The following VRK2 variants were observed in gnomAD, a reference collection of about 807,000 sequenced individuals.
The protein encoded by VRK2 is VRK serine/threonine kinase 2, also known as serine/threonine-protein kinase VRK2.
Under a neutral mutation model 57.6 loss-of-function variants are expected in VRK2, and 60 were observed. That is an observed-to-expected ratio of 1.04 (90% CI 0.85 to 1.29). VRK2 has a LOEUF of 1.29. VRK2 is among the 50% of genes most tolerant of loss of function. The pLI, the probability that VRK2 is intolerant of heterozygous loss-of-function variation, is 0.00. For synonymous variants in VRK2, 231 were observed against 199.2 expected, an observed-to-expected ratio of 1.16 and a Z score of -1.35; for missense variants, 705 against 588.1, an observed-to-expected ratio of 1.20 and a Z score of -2.06.
rs372449948 is a variant in VRK2, at chr2:58,029,175, G to T, written c.-333+3405G>T. Among the ~76,000 whole-genome samples the T allele has an allele frequency of 3.2e-4, 49 of 151,890 alleles. No individual in the cohort carries two copies. The South Asian group carries it at 9.5e-3, about 30-fold the overall frequency. On this transcript the variant is annotated intron_variant, in intron 2 of 15. Coordinates refer to the VRK2 transcript ENST00000417641. ...TCTTGAAAAGCCTAAAGAGTTCTAT[G>T]AAAACTGATTAGCTATTTTCTATTT... is the stretch of plus-strand genomic sequence containing the variant.
chr2:57,918,198 C>T (rs1218465601), intron 1 of VRK2, among the ~76,000 whole-genome samples: 1 of 152,050 alleles, frequency 6.6e-6, no homozygotes, highest in African/African-American at 2.4e-5. Flanking sequence ...CATGTAATTC[C>T]GCCAAAATTC....
chr2:57,907,788 A>G, exon 1 of VRK2: 1 of 152,330 alleles, frequency 6.6e-6, no homozygotes, highest in Non-Finnish European at 1.5e-5. Context: ...TCATCCTTCA[A>G]GAGCCAAGTC....
chr2:58,125,024 C>G (rs181605437), intron 8 of VRK2, among the ~76,000 whole-genome samples: 29 of 152,154 alleles, frequency 1.9e-4, no homozygotes, highest in African/African-American at 7.0e-4. Context: ...ATATTTTATT[C>G]TGTTACACCT....
chr2:58,134,960 C>T (rs1194548038), intron 9 of VRK2, among the ~76,000 whole-genome samples, 181 bp from the exon 10 acceptor site: 1 of 151,946 alleles, frequency 6.6e-6, no homozygotes, highest in Non-Finnish European at 1.5e-5. Context: ...AGTTTGTGGG[C>T]ATTGAGGGTT....
intron 1 of VRK2, among the ~76,000 whole-genome samples, chr2:57,964,663 T>A (rs770334587): frequency 6.6e-6 from 1 of 152,030 alleles, no homozygotes; most frequent in Non-Finnish European, 1.5e-5. Flanking sequence ...GGTGGGCGGA[T>A]CACCTGAGGT....
chr2:57,929,673 C>T (rs1043682059), intron 1 of VRK2, among the ~76,000 whole-genome samples: 1 of 152,020 alleles, frequency 6.6e-6, no homozygotes, highest in African/African-American at 2.4e-5. Context: ...CTGGATCTCA[C>T]CTGAAGCTAG....
intron 7 of VRK2, among the ~76,000 whole-genome samples, chr2:58,090,031 A>T (rs1672147747): frequency 6.6e-6 from 1 of 152,214 alleles, no homozygotes. Context: ...GTGGGAGTAG[A>T]GATGGATTTA....
At chr2:57,918,747 C>G (rs889747013) in intron 1 of VRK2, among the ~76,000 whole-genome samples, 8 of 152,054 alleles carry the variant, frequency 5.3e-5, no homozygotes, top group African/African-American at 1.9e-4. Context: ...ACTTTTTACT[C>G]TTCTATTGAG....
At chr2:57,927,325 GGAGTCCAGTGGC>G (rs1670573128) in intron 1 of VRK2, among the ~76,000 whole-genome samples, 4 of 147,990 alleles carry the variant, frequency 2.7e-5, no homozygotes, top group Non-Finnish European at 5.9e-5. Context: ...CGCCCAGGCT[GGAGTCCAGTGGC>G]GTGATCTCGA....
intron 7 of VRK2, among the ~76,000 whole-genome samples, chr2:58,100,105 T>C (rs1352300793): frequency 6.6e-6 from 1 of 151,988 alleles, no homozygotes; most frequent in African/African-American, 2.4e-5. Context: ...ACTTTCAAAG[T>C]TCCTAGGATA....
chr2:57,921,281 A>AGC (rs557292363), intron 1 of VRK2, among the ~76,000 whole-genome samples: 19 of 103,252 alleles, frequency 1.8e-4, no homozygotes, highest in African/African-American at 1.0e-3. Flanking sequence ...GTAATTCTTA[A>AGC]GCGCGCACAC....
intron 10 of VRK2, among the ~76,000 whole-genome samples, chr2:58,137,058 TATATC>T (rs1215031764): frequency 1.6e-5 from 2 of 122,464 alleles, no homozygotes; most frequent in Non-Finnish European, 3.2e-5. Context: ...TATATGTGTA[TATATC>T]ATATATCATA....
intron 1 of VRK2, among the ~76,000 whole-genome samples, chr2:57,971,849 T>C (rs543768440): frequency 6.6e-6 from 1 of 152,010 alleles, no homozygotes; most frequent in East Asian, 1.9e-4. Flanking sequence ...CAAAAATGCT[T>C]CAACTCATTC....
At chr2:57,962,186 C>G (rs1364574813) in intron 1 of VRK2, among the ~76,000 whole-genome samples, 2 of 152,156 alleles carry the variant, frequency 1.3e-5, no homozygotes, top group Non-Finnish European at 2.9e-5. Flanking sequence ...GAAAGGACTT[C>G]AGAGGTTAAT....
At chr2:57,912,141 C>T (rs1430805636) in intron 1 of VRK2, among the ~76,000 whole-genome samples, 1 of 152,180 alleles carries the variant, frequency 6.6e-6, no homozygotes. Context: ...TTCAAATTTT[C>T]AGCTAGATTC....
chr2:58,053,257 A>G (rs1187800961), intron 2 of VRK2, among the ~76,000 whole-genome samples: 1 of 152,242 alleles, frequency 6.6e-6, no homozygotes, highest in East Asian at 1.9e-4. Context: ...ATCAGTAGCA[A>G]TATCTTTTAT....
intron 10 of VRK2, among the ~76,000 whole-genome samples, chr2:58,137,648 C>T (rs920662494): frequency 1.3e-5 from 2 of 152,062 alleles, no homozygotes; most frequent in Non-Finnish European, 2.9e-5. Context: ...ATTACCGAAA[C>T]ATTTTATGAA....
Position 58,117,413 on chromosome 2 carries a change from G to A in VRK2, c.544-5688G>A, listed in dbSNP as rs567560451. 1.5e-3 allele frequency among the ~76,000 whole-genome samples: 223 copies of A among 152,268 alleles called. 1 individual carries two copies. Among genetic ancestry groups the A allele is most frequent in the African/African-American group, 5.2e-3 (218 of 41,538 alleles). On this transcript the variant is annotated intron_variant, in intron 7 of 12. Transcript: ENST00000340157. ...GGCGATAAAAAGATTACAGGGTGGA[G>A]GAGCAGAGGCTGAGGAAGAATTGGG... is the stretch of plus-strand genomic sequence containing the variant.
chr2:58,080,302 A>G (rs1006149704), intron 2 of VRK2, among the ~76,000 whole-genome samples: 2 of 151,914 alleles, frequency 1.3e-5, no homozygotes, highest in African/African-American at 4.8e-5. Context: ...GGGTGAAAAT[A>G]TGGACAGTTT....
Sources: allele counts gnomAD v4.1 joint callset (sites outside exome capture counted in the v4.1 genomes callset), GRCh38; gene constraint gnomAD v4.1.1; transcripts MANE v1.5; gene names NCBI Gene and HGNC (gene_info 2026-07-23, HGNC 2026-07-21).